SGCD: variants seen among roughly 807,000 people sequenced by gnomAD.
The protein encoded by SGCD is sarcoglycan delta.
A neutral mutation model predicts 36.6 loss-of-function variants in SGCD; 18 were observed. That is an observed-to-expected ratio of 0.49 (90% CI 0.34 to 0.73). The LOEUF (loss-of-function observed/expected upper bound fraction) is 0.73. SGCD is among the 30% of genes least tolerant of loss of function. The pLI is 0.01. For missense variants in SGCD, 387 were observed against 346.7 expected (o/e 1.12, Z -0.92); for synonymous variants, 133 against 130.6 (o/e 1.02, Z -0.12).
intron 3 of SGCD, among the ~76,000 whole-genome samples, chr5:156,352,974 T>C (rs970672065): frequency 3.5e-4 from 53 of 152,214 alleles, no homozygotes; most frequent in Admixed American, 1.1e-3. Context: ...GTCTAAAACA[T>C]GGTTTATTTA....
intron 3 of SGCD, among the ~76,000 whole-genome samples, chr5:156,190,629 G>A (rs1408134371): frequency 6.6e-6 from 1 of 152,064 alleles, no homozygotes. Context: ...ATCTACTCTT[G>A]TGGAGATTAT....
At chr5:156,426,231 C>T (rs556438158) in intron 3 of SGCD, among the ~76,000 whole-genome samples, 37 of 151,988 alleles carry the variant, frequency 2.4e-4, no homozygotes, top group Non-Finnish European at 2.6e-4. Flanking sequence ...TATTATTTTT[C>T]GACTTTTTAA....
rs552773612 is a variant in SGCD, at chr5:156,743,902, G to GGAAC, written c.576-13679_576-13678insGAAC. Among the ~76,000 whole-genome samples the GGAAC allele has an allele frequency of 6.8e-3, 1,031 of 152,328 alleles. 5 individuals are homozygous for GGAAC. Among genetic ancestry groups the GGAAC allele is most frequent in the Non-Finnish European group, 0.012 (786 of 68,028 alleles). ...AAGTAGAACTTATATAATTAGAGAA[G>GGAAC]ATTATGTTCCTTCTTCCTATTTTCT... is the stretch of plus-strand genomic sequence containing the variant. On this transcript the variant is annotated intron_variant, in intron 7 of 8. Transcript: ENST00000337851.
rs149681035 is a variant in SGCD, at chr5:156,446,747, G to A, written c.193-61854G>A. Among the ~76,000 whole-genome samples the A allele has an allele frequency of 8.9e-4, 136 of 152,172 alleles. 1 individual carries two copies. The highest frequency in any genetic ancestry group is 3.0e-3 in the African/African-American group (126 of 41,512). On this transcript the variant is annotated intron_variant, in intron 3 of 8. Coordinates refer to ENST00000337851, the MANE Select transcript of SGCD (RefSeq NM_000337.6). ...CAAATTACCCTTTGGTAAAATTCCTGGAATGAAATGATTTCATGAGGATGA... is the reference window on the plus strand; with the variant it reads ...CAAATTACCCTTTGGTAAAATTCCTAGAATGAAATGATTTCATGAGGATGA...
the SGCD span, among the ~76,000 whole-genome samples, chr5:155,789,304 A>G: frequency 1.3e-5 from 2 of 152,146 alleles, no homozygotes; most frequent in African/African-American, 2.4e-5. Flanking sequence ...TTGTAATTAA[A>G]AAGTGTTATT....
chr5:155,731,966 A>T, the SGCD span, among the ~76,000 whole-genome samples: 1 of 152,294 alleles, frequency 6.6e-6, no homozygotes, highest in African/African-American at 2.4e-5. Context: ...CTCTTATGCT[A>T]TTCTCTCCAG....
chr5:155,952,831 T>C (rs776758770), intron 1 of SGCD, among the ~76,000 whole-genome samples: 1 of 152,200 alleles, frequency 6.6e-6, no homozygotes, highest in Admixed American at 6.5e-5. Flanking sequence ...AAAAGTGTAA[T>C]GAAATGTGCC....
chr5:156,044,851 C>T (rs890581624), intron 1 of SGCD, among the ~76,000 whole-genome samples: 1 of 152,076 alleles, frequency 6.6e-6, no homozygotes, highest in Non-Finnish European at 1.5e-5. Context: ...GGTGCACACA[C>T]ACACACATGT....
At chr5:156,682,238 T>C (rs979195672) in intron 7 of SGCD, among the ~76,000 whole-genome samples, 4 of 152,238 alleles carry the variant, frequency 2.6e-5, no homozygotes, top group Admixed American at 2.0e-4. Flanking sequence ...ATTATAGCTG[T>C]TTCCACAACT....
At chr5:156,034,229 C>A (rs572033209) in intron 1 of SGCD, among the ~76,000 whole-genome samples, 36 of 152,316 alleles carry the variant, frequency 2.4e-4, no homozygotes, top group African/African-American at 7.2e-4. Flanking sequence ...AGTGATGGAG[C>A]TGCATTTAGG....
At chr5:156,036,619 G>T (rs1389949685) in intron 1 of SGCD, among the ~76,000 whole-genome samples, 2 of 152,086 alleles carry the variant, frequency 1.3e-5, no homozygotes, top group East Asian at 3.9e-4. Context: ...ACTTACTTGG[G>T]TTACTGTTAT....
At chr5:155,918,053 G>T (rs1309552942) in intron 1 of SGCD, among the ~76,000 whole-genome samples, 1 of 152,118 alleles carries the variant, frequency 6.6e-6, no homozygotes, top group Non-Finnish European at 1.5e-5. Flanking sequence ...CGGGAAATTT[G>T]CTGGATGGCC....
Position 156,102,691 on chromosome 5 carries a change from T to C in SGCD, c.-281-15187T>C, listed in dbSNP as rs527515965. ...TGTGGCTTCTCTGCCAGGCTGGTGCTTTGTCTGGTAAAATAAACCATTTGT... is the reference window on the plus strand; with the variant it reads ...TGTGGCTTCTCTGCCAGGCTGGTGCCTTGTCTGGTAAAATAAACCATTTGT... On this transcript the variant is annotated intron_variant, in intron 1 of 9. Transcript: ENST00000517913. 7.2e-5 allele frequency among the ~76,000 whole-genome samples: 11 copies of C among 152,306 alleles called. No individual in the cohort carries two copies. The East Asian group carries it at 2.1e-3, about 29-fold the overall frequency.
At chr5:155,735,959 G>A in the SGCD span, among the ~76,000 whole-genome samples, 2 of 152,106 alleles carry the variant, frequency 1.3e-5, no homozygotes, top group South Asian at 2.1e-4. Context: ...AGGGTCATTG[G>A]CAAAGTCATG....
At chr5:156,264,064 A>T (rs1384180577) in intron 3 of SGCD, among the ~76,000 whole-genome samples, 1 of 152,104 alleles carries the variant, frequency 6.6e-6, no homozygotes, top group Admixed American at 6.6e-5. Context: ...AAAAAAAGAA[A>T]AGAGGATAGT....
intron 3 of SGCD, among the ~76,000 whole-genome samples, chr5:156,132,692 TCTC>T (rs1298952886): frequency 1.3e-5 from 2 of 151,668 alleles, no homozygotes; most frequent in African/African-American, 4.8e-5. Flanking sequence ...ATGGTCTCGA[TCTC>T]CTGACCTCGT....
At chr5:156,392,103 G>C (rs1771602141) in intron 3 of SGCD, among the ~76,000 whole-genome samples, 1 of 152,122 alleles carries the variant, frequency 6.6e-6, no homozygotes, top group Non-Finnish European at 1.5e-5. Context: ...CCTTTGTATG[G>C]CTCCTGTTTC....
intron 4 of SGCD, among the ~76,000 whole-genome samples, chr5:156,560,468 A>G (rs1759220961): frequency 6.6e-6 from 1 of 152,200 alleles, no homozygotes; most frequent in African/African-American, 2.4e-5. Flanking sequence ...AAGTGTTGAC[A>G]TGAGGTTTCC....
At chr5:156,578,925 C>T (rs957452104) in intron 4 of SGCD, among the ~76,000 whole-genome samples, 1 of 152,164 alleles carries the variant, frequency 6.6e-6, no homozygotes, top group African/African-American at 2.4e-5. Flanking sequence ...TTCAGTTCTG[C>T]TCTGATCTTA....
Sources: allele counts gnomAD v4.1 joint callset (sites outside exome capture counted in the v4.1 genomes callset), GRCh38; gene constraint gnomAD v4.1.1; transcripts MANE v1.5; gene names NCBI Gene and HGNC (gene_info 2026-07-23, HGNC 2026-07-21).